Variants in ASB9 observed in about 807,000 individuals in gnomAD.
ASB9 encodes the protein ankyrin repeat and SOCS box containing 9.
A neutral mutation model predicts 16.6 loss-of-function variants in ASB9; 5 were observed. The observed-to-expected ratio is 0.30, with a 90% CI of 0.16 to 0.63. The LOEUF (loss-of-function observed/expected upper bound fraction) is 0.63, where lower values mean the gene tolerates loss of function less well. ASB9 is among the 30% of genes least tolerant of loss of function. The probability of loss-of-function intolerance (pLI) is 0.82; values close to 1 mark genes in which losing one functional copy is unlikely to be tolerated. For missense variants in ASB9, 216 were observed against 229.4 expected, an observed-to-expected ratio of 0.94 and a Z score of 0.38; for synonymous variants, 100 against 86.4, an observed-to-expected ratio of 1.16 and a Z score of -0.87.
intron 3 of ASB9, among the ~76,000 whole-genome samples, chrX:15,252,957 G>T (rs144143811): frequency 0.011 from 1,254 of 112,715 alleles, 15 homozygotes; most frequent in African/African-American, 0.038. Flanking sequence ...CATTTGGCCA[G>T]GCGCAGTGGC....
chrX:15,250,403 C>A (rs763909629), intron 5 of ASB9, 27 bp downstream of exon 5: 14 of 1,191,506 alleles, frequency 1.2e-5, no homozygotes, highest in Non-Finnish European at 1.6e-5. Context: ...GTTTTCTTTT[C>A]TTGTTTTGGT....
chrX:15,262,546 C>T (rs1158041205), intron 1 of ASB9, among the ~76,000 whole-genome samples: 1 of 112,684 alleles, frequency 8.9e-6, no homozygotes, highest in Non-Finnish European at 1.9e-5. Flanking sequence ...AGGACTTTGA[C>T]CTCAGCAGGT....
rs1158446373 is a variant in ASB9 at position 15,243,995 on chromosome X, G to A, written c.*511C>T. On this transcript the variant is annotated 3_prime_UTR_variant, in exon 7 of 7. Transcript: ENST00000380488. ...GGGAAGCTTAAAACAAATTAGACAA[G>A]CCAAGAAATATGTTTCTTTATTTTC... is the stretch of plus-strand genomic sequence containing the variant. The A allele has an allele frequency of 8.8e-6, 1 of 114,214 alleles. No homozygotes were observed. Among genetic ancestry groups the A allele is most frequent in the African/African-American group, 3.2e-5 (1 of 30,874 alleles). The allele number at this position is 114,214 out of a possible 1,213,427, so 9.4% of individuals were successfully genotyped here.
intron 1 of ASB9, among the ~76,000 whole-genome samples, chrX:15,264,892 T>C (rs1029779706): frequency 9.0e-6 from 1 of 111,643 alleles, no homozygotes; most frequent in Non-Finnish European, 1.9e-5. Flanking sequence ...GTGTAGAAGG[T>C]GAGTAGCAAT....
At chrX:15,253,245 GA>G (rs1449736435) in intron 3 of ASB9, among the ~76,000 whole-genome samples, 1 of 103,802 alleles carries the variant, frequency 9.6e-6, no homozygotes. Flanking sequence ...AAAAAAGAAA[GA>G]AAAAAGAAAA....
At chrX:15,270,083 C>CAG (rs762376683), upstream of ASB9, 2 of 114,586 alleles carry the variant, frequency 1.7e-5, no homozygotes, top group African/African-American at 8.6e-5. Context: ...CGCTCGTGTA[C>CAG]ACACACACAC....
At chrX:15,265,977 A>G in intron 1 of ASB9, among the ~76,000 whole-genome samples, 1 of 108,601 alleles carries the variant, frequency 9.2e-6, no homozygotes, top group Non-Finnish European at 1.9e-5. Context: ...CTAATTTTGT[A>G]TTTTTAGTAA....
intron 1 of ASB9, among the ~76,000 whole-genome samples, chrX:15,263,585 CTCTTCT>C (rs1374149070): frequency 3.5e-5 from 2 of 57,929 alleles, no homozygotes; most frequent in African/African-American, 1.7e-4. Context: ...GTCTCCCTCT[CTCTTCT>C]CTCTCTCTCT....
intron 6 of ASB9, among the ~76,000 whole-genome samples, chrX:15,246,693 G>T (rs936962639): frequency 9.0e-6 from 1 of 110,532 alleles, no homozygotes; most frequent in African/African-American, 3.3e-5. Flanking sequence ...TAGCCAGGAT[G>T]GTCTCTATCT....
rs143771757 is a variant in ASB9 at position 15,259,773 on chromosome X, C to T, written c.95-828G>A. Among the ~76,000 whole-genome samples, 13 of 112,535 alleles carry T rather than the reference C, an allele frequency of 1.2e-4. No homozygotes were observed. In the East Asian group the frequency reaches 3.6e-3, roughly 31 times the overall value. On this transcript the variant is annotated intron_variant, in intron 1 of 6. Transcript: ENST00000380488. The stretch of plus-strand genomic sequence containing the variant: ...CACAAGTGGAAAATTCCACATCTGA[C>T]ATGTGATGGGTTGCAGTCAAAACGT...
Position 15,252,361 on chromosome X carries a change from G to A in ASB9, c.326C>T (p.Ala109Val), listed in dbSNP as rs1925192716. The A allele has an allele frequency of 8.3e-7, 1 of 1,208,869 alleles. No homozygotes were observed. The highest frequency in any genetic ancestry group is 1.1e-6 in the Non-Finnish European group (1 of 894,833). The change falls in exon 4 of 7, where the codon GCT becomes GTT. Residue 109 changes from alanine (A) to valine (V), a missense_variant. Coordinates refer to ENST00000380488, the MANE Select transcript of ASB9 (RefSeq NM_001031739.3). Reference protein sequence around the residue: ...TADWHTPLFNACVSGSWDCVN... With the variant: ...TADWHTPLFNVCVSGSWDCVN... ...ACAATCCCAGCTGCCGCTGACACAAGCATTAAACAGTGGAGTGTGCCAGTC... is the reference window on the plus strand; with the variant it reads ...ACAATCCCAGCTGCCGCTGACACAAACATTAAACAGTGGAGTGTGCCAGTC...
chrX:15,244,346 G>GA lies in ASB9; in HGVS notation c.*159dup, dbSNP rs2147621749. The GA allele has an allele frequency of 1.6e-6, 1 of 607,845 alleles. No homozygotes were observed. The highest frequency in any genetic ancestry group is 2.5e-6 in the Non-Finnish European group (1 of 406,170). 50.1% of individuals were successfully genotyped at this position (607,845 alleles called of 1,213,427 possible). ...GAGTTTAACAAATACAAATTGAATA[G>GA]AAAAAATTAGTCAAACTCCATAAAC... On this transcript the variant is annotated 3_prime_UTR_variant, in exon 7 of 7. Coordinates refer to ENST00000380488, the MANE Select transcript of ASB9 (RefSeq NM_001031739.3).
intron 4 of ASB9, 104 bp from the exon 5 acceptor site, chrX:15,250,668 G>A: frequency 1.4e-6 from 1 of 737,236 alleles, no homozygotes; most frequent in South Asian, 3.5e-5. Flanking sequence ...AGCTTATCCA[G>A]GGGACCAAAA....
chrX:15,257,138 G>A (rs1337262312), intron 2 of ASB9, among the ~76,000 whole-genome samples: 1 of 111,491 alleles, frequency 9.0e-6, no homozygotes, highest in African/African-American at 3.3e-5. Flanking sequence ...GACCAGGCAC[G>A]GTGGCTCATG....
chrX:15,268,416 C>T (rs1321897209), intron 1 of ASB9, among the ~76,000 whole-genome samples: 1 of 105,927 alleles, frequency 9.4e-6, no homozygotes, highest in East Asian at 3.1e-4. Context: ...GGACAGTATA[C>T]CAGGTATATA....
intron 2 of ASB9, among the ~76,000 whole-genome samples, chrX:15,255,930 A>G (rs1042737418): frequency 1.8e-5 from 2 of 111,615 alleles, no homozygotes; most frequent in African/African-American, 6.5e-5. Flanking sequence ...ATTTGTAATA[A>G]AAATATCAGT....
intron 5 of ASB9, among the ~76,000 whole-genome samples, chrX:15,249,155 A>C (rs1243037930): frequency 8.9e-6 from 1 of 112,345 alleles, no homozygotes; most frequent in African/African-American, 3.2e-5. Flanking sequence ...ATAGCATAGA[A>C]AGTTAAAAAT....
chrX:15,261,588 T>G (rs183286812), intron 1 of ASB9, among the ~76,000 whole-genome samples: 1 of 112,374 alleles, frequency 8.9e-6, no homozygotes, highest in East Asian at 2.8e-4. Context: ...CATTACTCTT[T>G]CTATTTGGGG....
chrX:15,267,417 A>ATAT (rs1555934601), intron 1 of ASB9, among the ~76,000 whole-genome samples: 11,716 of 75,393 alleles, frequency 0.16, 615 homozygotes, highest in Non-Finnish European at 0.21. Flanking sequence ...CTAAAAAAAA[A>ATAT]ATATATATAT....
Sources: gnomAD v4.1 joint callset for allele counts (sites outside exome capture counted in the v4.1 genomes callset) on GRCh38, gnomAD v4.1.1 for gene constraint, MANE v1.5 for transcripts, NCBI Gene and HGNC (gene_info 2026-07-23, HGNC 2026-07-21) for gene names.